ERP44: variants seen among roughly 807,000 people sequenced by gnomAD.
The protein encoded by ERP44 is endoplasmic reticulum resident protein 44.
In ERP44, 25 loss-of-function variants were observed where a neutral mutation model predicts 53.4. The ratio of observed to expected loss-of-function variants is 0.47; its 90% confidence interval spans 0.34 to 0.65. ERP44 has a LOEUF of 0.65. Ranked by LOEUF, ERP44 falls within the 30% of genes least tolerant of loss-of-function variation. ERP44 has a pLI of 0.01. For synonymous variants in ERP44, 145 were observed against 161.2 expected, an observed-to-expected ratio of 0.90 and a Z score of 0.76; for missense variants, 338 against 493.2, an observed-to-expected ratio of 0.69 and a Z score of 2.98.
intron 1 of ERP44, 49 bp from the exon 2 acceptor site, chr9:100,060,221 A>C (rs918954279): frequency 7.2e-7 from 1 of 1,388,768 alleles, no homozygotes; most frequent in African/African-American, 1.5e-5. Flanking sequence ...ACAAAAGACA[A>C]ATACGTAAAA....
Position 100,007,642 on chromosome 9 carries a change from T to C in ERP44, c.810A>G (p.Lys270=). 1 of 1,606,126 alleles carries C rather than the reference T, an allele frequency of 6.2e-7. No homozygotes were observed. The highest frequency in any genetic ancestry group is 8.5e-7 in the Non-Finnish European group (1 of 1,172,712). Residue 270 remains lysine (K), a synonymous_variant, in exon 9 of 12, where the codon AAA becomes AAG. Transcript: ENST00000262455. ...ATATTTCTAAACTTTCTGTATCTTC[T>C]TTCATGTGAAAGAGTATGAGAAAAG... The part of the protein sequence containing the change: ...GLPFLILFHM[K]EDTESLEIFQ...
At chr9:100,045,493 A>C (rs1825955692) in intron 4 of ERP44, among the ~76,000 whole-genome samples, 1 of 152,206 alleles carries the variant, frequency 6.6e-6, no homozygotes, top group Non-Finnish European at 1.5e-5. Context: ...ACTTAACTAG[A>C]GGTGTAATGC....
At chr9:99,984,309 A>T (rs1374806661) in intron 11 of ERP44, among the ~76,000 whole-genome samples, 2 of 152,172 alleles carry the variant, frequency 1.3e-5, no homozygotes, top group Non-Finnish European at 2.9e-5. Flanking sequence ...GCATGATAGA[A>T]ATCATAATCT....
Position 100,038,227 on chromosome 9 carries a change from G to A in ERP44, c.286+14190C>T, listed in dbSNP as rs570524615. Among the ~76,000 whole-genome samples the A allele has an allele frequency of 7.0e-4, 106 of 152,120 alleles. 4 individuals carry two copies. The South Asian group carries it at 0.021, about 30-fold the overall frequency. The stretch of plus-strand genomic sequence containing the variant: ...CAGAAAATATTATAACACTAATTGC[G>A]GTGTGTCAACTACTTTTAAGTAAAA... On this transcript the variant is annotated intron_variant, in intron 4 of 11. Transcript: ENST00000262455.
intron 10 of ERP44, chr9:99,999,124 A>C (rs1417955710): frequency 1.6e-6 from 1 of 618,882 alleles, no homozygotes; most frequent in African/African-American, 1.8e-5. Context: ...GGCGCACCTG[A>C]GGCACAGTGT....
intron 4 of ERP44, among the ~76,000 whole-genome samples, chr9:100,042,709 A>C (rs552181546): frequency 6.6e-6 from 1 of 152,218 alleles, no homozygotes. Context: ...ACATACACAT[A>C]ATGGAGTATT....
At chr9:100,041,752 A>G (rs975057806) in intron 4 of ERP44, among the ~76,000 whole-genome samples, 6 of 152,168 alleles carry the variant, frequency 3.9e-5, no homozygotes, top group African/African-American at 7.2e-5. Flanking sequence ...ATAAATCCAT[A>G]TATCTACAGT....
Position 99,985,048 on chromosome 9 carries a change from T to C in ERP44, c.1038A>G (p.Gln346=). The change falls in exon 11 of 12, where the codon CAA becomes CAG. Residue 346 remains glutamine, a synonymous_variant. Transcript: ENST00000262455. The part of the protein sequence containing the change: ...KDVLIPGKLK[Q]FVFDLHSGKL... Reference sequence around the variant, plus strand: ...TTCCAGAATGTAAGTCAAATACGAATTGCTTGAGTTTTCCAGGAATTCTAA... The same window carrying C: ...TTCCAGAATGTAAGTCAAATACGAACTGCTTGAGTTTTCCAGGAATTCTAA... 6.2e-7 allele frequency: 1 copy of C among 1,612,128 alleles called. No individual in the cohort carries two copies. Among genetic ancestry groups the C allele is most frequent in the Non-Finnish European group, 8.5e-7 (1 of 1,178,274 alleles).
chr9:100,070,385 G>A (rs556812069), intron 1 of ERP44, among the ~76,000 whole-genome samples: 1 of 152,198 alleles, frequency 6.6e-6, no homozygotes, highest in South Asian at 2.1e-4. Context: ...AGAGAAAGAA[G>A]GTTCTCTCAT....
intron 1 of ERP44, among the ~76,000 whole-genome samples, chr9:100,086,174 C>A (rs532711985): frequency 1.3e-5 from 2 of 152,254 alleles, no homozygotes; most frequent in East Asian, 3.9e-4. Flanking sequence ...CAGGGCATAA[C>A]GCATGTTTCC....
chr9:100,027,306 T>C (rs1830664115), intron 4 of ERP44, among the ~76,000 whole-genome samples: 1 of 152,258 alleles, frequency 6.6e-6, no homozygotes, highest in African/African-American at 2.4e-5. Context: ...AAAACTATTA[T>C]GGGATTAGAT....
At position 100,069,148 on chromosome 9, in the gene ERP44, C is replaced by T. The variant is rs533201115; in HGVS notation, c.58-8976G>A. Reference sequence around the variant, plus strand: ...AATCTCATGTACCCAGGGACACAAACACTGCGGAAGGCCGCAGGGTCCTCT... The same window carrying T: ...AATCTCATGTACCCAGGGACACAAATACTGCGGAAGGCCGCAGGGTCCTCT... On this transcript the variant is annotated intron_variant, in intron 1 of 11. Transcript: ENST00000262455. Among the ~76,000 whole-genome samples, 4 of 152,074 alleles carry T rather than the reference C, an allele frequency of 2.6e-5. No individual in the cohort carries two copies. The South Asian group carries it at 6.2e-4, about 24-fold the overall frequency.
intron 6 of ERP44, among the ~76,000 whole-genome samples, chr9:100,019,371 T>C (rs889739271): frequency 2.0e-5 from 3 of 152,028 alleles, no homozygotes; most frequent in Admixed American, 6.6e-5. Context: ...TGGTGAGACC[T>C]CAATCGCTTA....
intron 1 of ERP44, among the ~76,000 whole-genome samples, chr9:100,095,419 G>A (rs1481291191): frequency 1.3e-5 from 2 of 152,064 alleles, no homozygotes; most frequent in African/African-American, 4.8e-5. Flanking sequence ...ACTTTATATA[G>A]CCCTTGCTTT....
chr9:100,091,360 C>T (rs2118761379), intron 1 of ERP44, among the ~76,000 whole-genome samples: 1 of 152,256 alleles, frequency 6.6e-6, no homozygotes, highest in Non-Finnish European at 1.5e-5. Context: ...GCATTTTATT[C>T]CTCTCCCCTC....
intron 1 of ERP44, among the ~76,000 whole-genome samples, chr9:100,087,594 G>C (rs1826499652): frequency 6.6e-6 from 1 of 152,162 alleles, no homozygotes; most frequent in South Asian, 2.1e-4. Context: ...AACTAAGCAG[G>C]AGAGGTCTTT....
chr9:100,067,731 C>T (rs1408936179), intron 1 of ERP44, among the ~76,000 whole-genome samples: 1 of 151,882 alleles, frequency 6.6e-6, no homozygotes, highest in East Asian at 1.9e-4. Flanking sequence ...GCCGCCATCC[C>T]ATCTAGGAAG....
intron 1 of ERP44, among the ~76,000 whole-genome samples, chr9:100,087,948 T>C (rs1826504612): frequency 2.0e-5 from 3 of 152,184 alleles, no homozygotes; most frequent in Admixed American, 2.0e-4. Context: ...GTTATCACTT[T>C]CGGGAATCAA....
chr9:100,039,698 A>G (rs1463062665), intron 4 of ERP44, among the ~76,000 whole-genome samples: 4 of 152,128 alleles, frequency 2.6e-5, no homozygotes, highest in Non-Finnish European at 5.9e-5. Flanking sequence ...ATGAAATTGA[A>G]TTGAAAAAGA....
Sources: gnomAD v4.1 joint callset for allele counts (sites outside exome capture counted in the v4.1 genomes callset) on GRCh38, gnomAD v4.1.1 for gene constraint, MANE v1.5 for transcripts, NCBI Gene and HGNC (gene_info 2026-07-23, HGNC 2026-07-21) for gene names.